The following ADAMTS16 variants were observed in gnomAD, a reference collection of about 807,000 sequenced individuals.
The protein encoded by ADAMTS16 is ADAM metallopeptidase with thrombospondin type 1 motif 16.
A neutral mutation model predicts 145.8 loss-of-function variants in ADAMTS16; 94 were observed. The observed-to-expected ratio is 0.64, with a 90% CI of 0.55 to 0.77. The LOEUF (loss-of-function observed/expected upper bound fraction) is 0.77, where lower values mean the gene tolerates loss of function less well. ADAMTS16 is among the 30% of genes least tolerant of loss of function. ADAMTS16 has a pLI of 0.00. For synonymous variants in ADAMTS16, 659 were observed against 604.3 expected (o/e 1.09, Z -1.33); for missense variants, 1,585 against 1,591.5 (o/e 1.00, Z 0.07).
intron 10 of ADAMTS16, among the ~76,000 whole-genome samples, chr5:5,220,885 C>T (rs1736584728): frequency 6.6e-6 from 1 of 152,120 alleles, no homozygotes; most frequent in African/African-American, 2.4e-5. Context: ...ACCACACAAG[C>T]AGCTTCTGCT....
chr5:5,262,156 T>TA (rs1738056630), intron 17 of ADAMTS16, among the ~76,000 whole-genome samples: 1 of 152,260 alleles, frequency 6.6e-6, no homozygotes, highest in Non-Finnish European at 1.5e-5. Context: ...TCATGATTGT[T>TA]AAAGTTAGCC....
intron 17 of ADAMTS16, among the ~76,000 whole-genome samples, chr5:5,254,660 T>G (rs1338243868): frequency 6.6e-6 from 1 of 152,198 alleles, no homozygotes; most frequent in Non-Finnish European, 1.5e-5. Context: ...GAGTTTATGT[T>G]TGTCCTTTAA....
At chr5:5,140,966 C>T (rs539585867) in intron 2 of ADAMTS16, among the ~76,000 whole-genome samples, 200 bp downstream of exon 2, 1 of 152,120 alleles carries the variant, frequency 6.6e-6, no homozygotes, top group East Asian at 1.9e-4. Flanking sequence ...ATTTTATTCC[C>T]TGGCAAAACG....
chr5:5,316,610 T>A lies in ADAMTS16; in HGVS notation c.3412-1524T>A, dbSNP rs549190275. On this transcript the variant is annotated intron_variant, in intron 21 of 22. Coordinates refer to ENST00000274181, the MANE Select transcript of ADAMTS16 (RefSeq NM_139056.4). The stretch of plus-strand genomic sequence containing the variant: ...CATTATGCCAGCTCATGAAAGATAA[T>A]CTAACTGAGCTCACTCCCTTCCTTC... 1.1e-4 allele frequency among the ~76,000 whole-genome samples: 16 copies of A among 152,264 alleles called. No homozygotes were observed. In the South Asian group the frequency reaches 3.1e-3, roughly 30 times the overall value.
At chr5:5,281,716 G>A (rs917740704) in intron 18 of ADAMTS16, among the ~76,000 whole-genome samples, 2 of 152,204 alleles carry the variant, frequency 1.3e-5, no homozygotes, top group Non-Finnish European at 2.9e-5. Flanking sequence ...GGATTGTAGA[G>A]TGAGAAAAAT....
At chr5:5,172,212 G>T (rs1483588256) in intron 3 of ADAMTS16, among the ~76,000 whole-genome samples, 3 of 151,760 alleles carry the variant, frequency 2.0e-5, no homozygotes, top group Non-Finnish European at 4.4e-5. Context: ...TCGTTTTATT[G>T]ATCTTTTTAT....
At position 5,186,301 on chromosome 5, in the gene ADAMTS16, G is replaced by GGGGTGTGTGTGT. The variant is rs368811446; in HGVS notation, c.963+51_963+52insGGTGTGTGTGTG. 2.3e-3 allele frequency: 2,281 copies of GGGGTGTGTGTGT among 987,216 alleles called. 18 individuals are homozygous for GGGGTGTGTGTGT. Among genetic ancestry groups the GGGGTGTGTGTGT allele is most frequent in the African/African-American group, 0.018 (1,042 of 57,790 alleles). The allele number at this position is 987,216 out of a possible 1,614,324, so 61.2% of individuals were successfully genotyped here. Reference sequence around the variant, plus strand: ...CCACCTGTGTCATTGCACTTCGTAGGGTGTGTGTGTGTGTGTGTGTGTGTG... The same window carrying GGGGTGTGTGTGT: ...CCACCTGTGTCATTGCACTTCGTAGGGGGTGTGTGTGTGTGTGTGTGTGTGTGTGTGTGTGTG... On this transcript the variant is annotated intron_variant, in intron 5 of 22. Transcript: ENST00000274181.
At chr5:5,174,730 G>A (rs946377308) in intron 3 of ADAMTS16, among the ~76,000 whole-genome samples, 7 of 152,090 alleles carry the variant, frequency 4.6e-5, no homozygotes, top group Non-Finnish European at 1.0e-4. Flanking sequence ...CTGCTATTAA[G>A]ATTCTGATGC....
chr5:5,284,075 T>C (rs1739027437), intron 18 of ADAMTS16, among the ~76,000 whole-genome samples: 1 of 152,272 alleles, frequency 6.6e-6, no homozygotes, highest in East Asian at 1.9e-4. Context: ...GCTTTTGCTA[T>C]ATGACTGTCT....
At position 5,253,555 on chromosome 5, in the gene ADAMTS16, A is replaced by G. The variant is rs188467042; in HGVS notation, c.2663-9102A>G. Among the ~76,000 whole-genome samples, 228 of 152,178 alleles carry G rather than the reference A, an allele frequency of 1.5e-3. 4 individuals are homozygous for G. Among genetic ancestry groups the G allele is most frequent in the Admixed American group, 0.015 (223 of 15,290 alleles). On this transcript the variant is annotated intron_variant, in intron 17 of 22. Transcript: ENST00000274181. The stretch of plus-strand genomic sequence containing the variant: ...TTTGCCCTAAGCAGTTCCCAGCTTG[A>G]CTTCTCCCTTTAGCTTAGTAATTTT...
chr5:5,154,692 C>T (rs896013208), intron 3 of ADAMTS16, among the ~76,000 whole-genome samples: 23 of 152,132 alleles, frequency 1.5e-4, no homozygotes, highest in Non-Finnish European at 3.2e-4. Flanking sequence ...TCTTCAGATT[C>T]TCTGTCCAGC....
intron 9 of ADAMTS16, among the ~76,000 whole-genome samples, chr5:5,207,487 A>G (rs2126310431): frequency 6.6e-6 from 1 of 152,200 alleles, no homozygotes; most frequent in East Asian, 1.9e-4. Flanking sequence ...ATGAACAAAG[A>G]TAGTTTTATT....
chr5:5,165,355 A>G (rs1439063230), intron 3 of ADAMTS16, among the ~76,000 whole-genome samples: 1 of 152,040 alleles, frequency 6.6e-6, no homozygotes, highest in Non-Finnish European at 1.5e-5. Context: ...GGACATTTGG[A>G]TTGACCGAGC....
chr5:5,188,852 C>T (rs781096258), intron 6 of ADAMTS16, among the ~76,000 whole-genome samples: 1 of 152,050 alleles, frequency 6.6e-6, no homozygotes, highest in Admixed American at 6.6e-5. Flanking sequence ...CTGAACATGC[C>T]GGGCTTCTCA....
At position 5,299,754 on chromosome 5, in the gene ADAMTS16, C is replaced by T. The variant is rs573922961; in HGVS notation, c.2790-3514C>T. 2.6e-3 allele frequency among the ~76,000 whole-genome samples: 397 copies of T among 152,190 alleles called. 1 individual carries two copies. The highest frequency in any genetic ancestry group is 8.9e-3 in the African/African-American group (369 of 41,520). On this transcript the variant is annotated intron_variant, in intron 18 of 22. Coordinates refer to ENST00000274181, the MANE Select transcript of ADAMTS16 (RefSeq NM_139056.4). ...AGTGGGGACTGCGTCTCCAGAGTCCCGCAGTGGAAACTGACTGATTTGGGT... is the reference window on the plus strand; with the variant it reads ...AGTGGGGACTGCGTCTCCAGAGTCCTGCAGTGGAAACTGACTGATTTGGGT...
chr5:5,235,029 G>A lies in ADAMTS16; in HGVS notation c.1866G>A (p.Gly622=). 1 of 1,581,174 alleles carries A rather than the reference G, an allele frequency of 6.3e-7. No individual in the cohort carries two copies. The highest frequency in any genetic ancestry group is 8.7e-7 in the Non-Finnish European group (1 of 1,156,010). The change falls in exon 13 of 23, where the codon GGG becomes GGA. Residue 622 remains glycine, a synonymous_variant. Coordinates refer to ENST00000274181, the MANE Select transcript of ADAMTS16 (RefSeq NM_139056.4). ...CACATTCCAGGCCATCGCATGGAGG[G>A]AAGTTCTGTGAGGGCTCCACTCGCA... is the stretch of plus-strand genomic sequence containing the variant. ...LCTNPKPSHG[G]KFCEGSTRTL...
At chr5:5,177,982 A>G (rs1735244997) in intron 3 of ADAMTS16, among the ~76,000 whole-genome samples, 1 of 152,076 alleles carries the variant, frequency 6.6e-6, no homozygotes, top group Non-Finnish European at 1.5e-5. Context: ...CTTAATTTCT[A>G]TTTTATTTTT....
At chr5:5,264,452 A>C (rs997167876) in intron 18 of ADAMTS16, among the ~76,000 whole-genome samples, 1 of 152,208 alleles carries the variant, frequency 6.6e-6, no homozygotes, top group African/African-American at 2.4e-5. Context: ...TGGCAAATTG[A>C]TCCCAAGTTT....
chr5:5,158,196 T>C (rs1020145775), intron 3 of ADAMTS16, among the ~76,000 whole-genome samples: 1 of 152,176 alleles, frequency 6.6e-6, no homozygotes, highest in Non-Finnish European at 1.5e-5. Context: ...GTTACCAGTT[T>C]AGCATTTACC....
Sources: gnomAD v4.1 joint callset for allele counts (sites outside exome capture counted in the v4.1 genomes callset) on GRCh38, gnomAD v4.1.1 for gene constraint, MANE v1.5 for transcripts, NCBI Gene and HGNC (gene_info 2026-07-23, HGNC 2026-07-21) for gene names.